The following MAP2K5 variants were observed in gnomAD, a reference collection of about 807,000 sequenced individuals.
The protein encoded by MAP2K5 is mitogen-activated protein kinase kinase 5.
A neutral mutation model predicts 83.1 loss-of-function variants in MAP2K5; 49 were observed. That is an observed-to-expected ratio of 0.59 (90% CI 0.47 to 0.75). MAP2K5 has a LOEUF of 0.75. Among genes scored for constraint, MAP2K5 ranks in the 30% least tolerant of loss-of-function variants. MAP2K5 has a pLI of 0.00. For missense variants in MAP2K5, 457 were observed against 557.5 expected, an observed-to-expected ratio of 0.82 and a Z score of 1.82; for synonymous variants, 202 against 191.8, an observed-to-expected ratio of 1.05 and a Z score of -0.44.
chr15:67,743,220 G>T (rs2089532286), intron 17 of MAP2K5, among the ~76,000 whole-genome samples: 1 of 152,228 alleles, frequency 6.6e-6, no homozygotes, highest in African/African-American at 2.4e-5. Flanking sequence ...CCAGAGAGAA[G>T]GTGCCAGTGA....
chr15:67,699,863 A>G (rs1392974383), intron 15 of MAP2K5, among the ~76,000 whole-genome samples: 2 of 152,134 alleles, frequency 1.3e-5, no homozygotes, highest in Non-Finnish European at 2.9e-5. Flanking sequence ...TGGACACAGC[A>G]GAAGAGAGAA....
At chr15:67,590,446 C>CTCTCTCTCTCTCTCTGT (rs1555529574) in intron 6 of MAP2K5, among the ~76,000 whole-genome samples, 1 of 30,544 alleles carries the variant, frequency 3.3e-5, no homozygotes, top group Non-Finnish European at 6.3e-5. Flanking sequence ...TCCCTCCCTC[C>CTCTCTCTCTCTCTCTGT]CTCTCTCTCT....
chr15:67,620,190 G>A (rs1055505406), intron 8 of MAP2K5, among the ~76,000 whole-genome samples: 2 of 152,148 alleles, frequency 1.3e-5, no homozygotes, highest in African/African-American at 2.4e-5. Flanking sequence ...GACCAACATG[G>A]TCAAATGCCA....
At position 67,677,920 on chromosome 15, in the gene MAP2K5, G is replaced by A. The variant is rs778197895; in HGVS notation, c.847+13275G>A. Among the ~76,000 whole-genome samples, 4 of 152,178 alleles carry A rather than the reference G, an allele frequency of 2.6e-5. No homozygotes were observed. Among genetic ancestry groups the A allele is most frequent in the Non-Finnish European group, 5.9e-5 (4 of 68,034 alleles). ...TCTGAACCGAATCATGAGACTCCAG[G>A]CAATAACTGCCATTGAGGATGGCTA... On this transcript the variant is annotated intron_variant, in intron 13 of 21. Coordinates refer to ENST00000178640, the MANE Select transcript of MAP2K5 (RefSeq NM_145160.3). The surrounding 1 kb of genome is among the most constrained non-coding windows in gnomAD (Gnocchi z 4.2).
In MAP2K5 at chr15:67,757,618, C is replaced by T. The variant is rs117403257; in HGVS notation, c.1134+9017C>T. On this transcript the variant is annotated intron_variant, in intron 19 of 21. Transcript: ENST00000178640. The surrounding 1 kb of genome is among the most constrained non-coding windows in gnomAD (Gnocchi z 4.9). ...TAGAGAATGAATAAGATGCTCTTTC[C>T]ACCATTAAAGAGCAGCTACCCTAGT... 7.7e-4 allele frequency among the ~76,000 whole-genome samples: 117 copies of T among 152,122 alleles called. 2 individuals are homozygous for T. In the East Asian group the frequency reaches 0.017, roughly 22 times the overall value.
intron 16 of MAP2K5, among the ~76,000 whole-genome samples, chr15:67,705,721 A>G (rs1184481393): frequency 6.6e-6 from 1 of 151,886 alleles, no homozygotes; most frequent in Non-Finnish European, 1.5e-5. Context: ...GTGTAACAAG[A>G]GCGAAACTCC....
intron 21 of MAP2K5, among the ~76,000 whole-genome samples, chr15:67,792,041 C>G (rs1277875577): frequency 6.6e-6 from 1 of 152,216 alleles, no homozygotes; most frequent in Non-Finnish European, 1.5e-5. Context: ...GGCCAGGTCT[C>G]TGCTCACCTG....
chr15:67,627,861 C>A, intron 8 of MAP2K5: 2 of 579,500 alleles, frequency 3.5e-6, no homozygotes, highest in South Asian at 3.9e-5. Flanking sequence ...ATGTCTAAGT[C>A]AGAGTCTCCT....
At chr15:67,600,642 C>T (rs915611067) in intron 7 of MAP2K5, 43 bp from the exon 8 acceptor site, 1 of 1,510,702 alleles carries the variant, frequency 6.6e-7, no homozygotes, top group African/African-American at 1.4e-5. Flanking sequence ...CATTTCCATC[C>T]ACAGCATGAC....
intron 8 of MAP2K5, among the ~76,000 whole-genome samples, chr15:67,604,880 C>T (rs2085745210): frequency 6.7e-6 from 1 of 149,640 alleles, no homozygotes; most frequent in African/African-American, 2.5e-5. Flanking sequence ...GGCAACAGAA[C>T]AAGAAAAAAA....
chr15:67,729,675 A>G (rs2089178100), intron 17 of MAP2K5, among the ~76,000 whole-genome samples: 1 of 152,052 alleles, frequency 6.6e-6, no homozygotes, highest in Admixed American at 6.6e-5. Flanking sequence ...GAGGCAGGAG[A>G]ATGGCTTGAA....
rs998008787 is a variant in MAP2K5, at chr15:67,722,025, A to G, written c.1045-5891A>G. ...TAAAGTGAATTAGATTTTGATTTTAATATATTTGCTGTAGTGAGTACTGAT... is the reference window on the plus strand; with the variant it reads ...TAAAGTGAATTAGATTTTGATTTTAGTATATTTGCTGTAGTGAGTACTGAT... On this transcript the variant is annotated intron_variant, in intron 16 of 21. Transcript: ENST00000178640. The surrounding 1 kb of genome is among the most constrained non-coding windows in gnomAD (Gnocchi z 4.2). 1.3e-5 allele frequency among the ~76,000 whole-genome samples: 2 copies of G among 152,218 alleles called. No homozygotes were observed. The highest frequency in any genetic ancestry group is 6.5e-5 in the Admixed American group (1 of 15,276).
intron 21 of MAP2K5, among the ~76,000 whole-genome samples, chr15:67,798,798 A>G (rs1357340652): frequency 6.6e-6 from 1 of 152,224 alleles, no homozygotes; most frequent in Non-Finnish European, 1.5e-5. Flanking sequence ...ACAGCTGCAT[A>G]CCACTTCCCA....
intron 9 of MAP2K5, among the ~76,000 whole-genome samples, chr15:67,639,515 A>G (rs1437466607): frequency 6.6e-6 from 1 of 152,184 alleles, no homozygotes; most frequent in African/African-American, 2.4e-5. Flanking sequence ...CCAGGATTTA[A>G]ACATAGGTAG....
chr15:67,653,187 T>C (rs543708747), intron 11 of MAP2K5, among the ~76,000 whole-genome samples: 4 of 152,338 alleles, frequency 2.6e-5, no homozygotes, highest in East Asian at 3.9e-4. Flanking sequence ...AAGTTGGTAG[T>C]AATGTTCCCT....
intron 13 of MAP2K5, chr15:67,679,728 A>G: frequency 6.6e-6 from 1 of 152,200 alleles, no homozygotes; most frequent in African/African-American, 2.4e-5. Flanking sequence ...CCACAAAAGC[A>G]CCTGCAGAAA....
intron 8 of MAP2K5, among the ~76,000 whole-genome samples, chr15:67,604,832 T>C (rs2085744024): frequency 1.3e-5 from 2 of 150,604 alleles, no homozygotes; most frequent in African/African-American, 4.9e-5. Context: ...GAGGTGGAGG[T>C]TGCAGTGAGC....
chr15:67,666,134 C>T (rs1018766692), intron 13 of MAP2K5, among the ~76,000 whole-genome samples: 27 of 152,096 alleles, frequency 1.8e-4, no homozygotes, highest in Non-Finnish European at 3.2e-4. Flanking sequence ...CATGGAAATT[C>T]GAGTGTTGTT....
intron 2 of MAP2K5, among the ~76,000 whole-genome samples, chr15:67,556,067 T>G (rs890571704): frequency 1.3e-5 from 2 of 152,266 alleles, no homozygotes; most frequent in African/African-American, 4.8e-5. Flanking sequence ...ATTACAGGCA[T>G]GAGCCACCGT....
Sources: gnomAD v4.1 joint callset for allele counts (sites outside exome capture counted in the v4.1 genomes callset) on GRCh38, gnomAD v4.1.1 for gene constraint, Gnocchi (gnomAD v3.1) non-coding constraint, MANE v1.5 for transcripts, NCBI Gene and HGNC (gene_info 2026-07-23, HGNC 2026-07-21) for gene names.